Variants in KCNQ5 observed in about 807,000 individuals in gnomAD.
KCNQ5 encodes potassium voltage-gated channel subfamily KQT member 5.
Under a neutral mutation model 98.2 loss-of-function variants are expected in KCNQ5, and 30 were observed. That is an observed-to-expected ratio of 0.31 (90% CI 0.23 to 0.41). KCNQ5 has a LOEUF of 0.41. Ranked by LOEUF, KCNQ5 falls within the 10% of genes least tolerant of loss-of-function variation. The pLI is 1.00. For missense variants in KCNQ5, 835 were observed against 1,182.5 expected, an observed-to-expected ratio of 0.71 and a Z score of 4.31; for synonymous variants, 458 against 449.4, an observed-to-expected ratio of 1.02 and a Z score of -0.24.
chr6:72,757,620 G>T (rs139134247), intron 1 of KCNQ5, among the ~76,000 whole-genome samples: 35 of 152,166 alleles, frequency 2.3e-4, no homozygotes, highest in African/African-American at 8.2e-4. Context: ...CAGAATGGCC[G>T]TATGGGTACT....
At chr6:72,905,658 G>A (rs1323056779) in intron 1 of KCNQ5, among the ~76,000 whole-genome samples, 1 of 152,128 alleles carries the variant, frequency 6.6e-6, no homozygotes, top group Non-Finnish European at 1.5e-5. Flanking sequence ...TCTGGGTCTA[G>A]TCACCTCACT....
rs1207221075 is a variant in KCNQ5, at chr6:73,198,711, A to G, written c.*3297A>G. ...TAAGCAGTTCTAAGTCATGTATGAC[A>G]ATGCAATTGTCTGTTTCCTGAAAAC... On this transcript the variant is annotated 3_prime_UTR_variant, in exon 14 of 14. Coordinates refer to ENST00000370398, the MANE Select transcript of KCNQ5 (RefSeq NM_019842.4). The G allele has an allele frequency of 6.6e-6, 1 of 152,254 alleles. No homozygotes were observed. The highest frequency in any genetic ancestry group is 1.9e-4 in the East Asian group (1 of 5,206). 9.4% of individuals were successfully genotyped at this position (152,254 alleles called of 1,614,324 possible).
At chr6:72,736,800 T>TA (rs1020143789) in intron 1 of KCNQ5, among the ~76,000 whole-genome samples, 54 of 152,054 alleles carry the variant, frequency 3.6e-4, no homozygotes, top group African/African-American at 1.2e-3. Flanking sequence ...CGCCCGGCCG[T>TA]AAAAAAAGAT....
intron 1 of KCNQ5, among the ~76,000 whole-genome samples, chr6:72,627,350 A>T (rs2098918460): frequency 6.6e-6 from 1 of 152,180 alleles, no homozygotes; most frequent in Admixed American, 6.5e-5. Context: ...GCAGTGGATG[A>T]AAAAGTAAGA....
chr6:72,838,615 A>G (rs1383087346), intron 1 of KCNQ5, among the ~76,000 whole-genome samples: 1 of 152,204 alleles, frequency 6.6e-6, no homozygotes, highest in Non-Finnish European at 1.5e-5. Flanking sequence ...TATTCTCCTT[A>G]TAAATGTTAT....
intron 1 of KCNQ5, among the ~76,000 whole-genome samples, chr6:72,687,817 T>C (rs531376911): frequency 3.3e-5 from 5 of 151,172 alleles, no homozygotes; most frequent in African/African-American, 9.7e-5. Flanking sequence ...TGCAAAATGC[T>C]AGTCTTTTTA....
chr6:72,898,979 G>A (rs771291167), intron 1 of KCNQ5, among the ~76,000 whole-genome samples: 18 of 152,104 alleles, frequency 1.2e-4, no homozygotes, highest in Non-Finnish European at 2.2e-4. Flanking sequence ...GCCTTCTTTT[G>A]AGAACTGTCT....
chr6:72,711,350 G>A (rs576349115), intron 1 of KCNQ5, among the ~76,000 whole-genome samples: 2 of 152,228 alleles, frequency 1.3e-5, no homozygotes, highest in South Asian at 2.1e-4. Context: ...TGTTGTTTAA[G>A]CTACCCAGTC....
chr6:73,075,435 A>G (rs181389035), intron 3 of KCNQ5, among the ~76,000 whole-genome samples: 2 of 152,000 alleles, frequency 1.3e-5, no homozygotes, highest in African/African-American at 4.8e-5. Flanking sequence ...GTTGGCCAGG[A>G]TGGTCTCGAT....
intron 1 of KCNQ5, among the ~76,000 whole-genome samples, chr6:72,700,215 A>G (rs1017169364): frequency 6.6e-6 from 1 of 152,222 alleles, no homozygotes; most frequent in Non-Finnish European, 1.5e-5. Flanking sequence ...GCTGGGATAC[A>G]AATTCGGTTC....
chr6:72,705,958 A>G (rs1769056585), intron 1 of KCNQ5, among the ~76,000 whole-genome samples: 1 of 152,088 alleles, frequency 6.6e-6, no homozygotes, highest in African/African-American at 2.4e-5. Flanking sequence ...AAACGAAAGA[A>G]AAAATAACAA....
intron 1 of KCNQ5, among the ~76,000 whole-genome samples, chr6:72,973,438 G>A (rs567109631): frequency 1.3e-5 from 2 of 152,090 alleles, no homozygotes; most frequent in East Asian, 1.9e-4. Flanking sequence ...AAAGGATTTT[G>A]TAGAAATCCT....
Position 73,197,838 on chromosome 6 carries a change from A to G in KCNQ5, c.*2424A>G, listed in dbSNP as rs967494473. 6.6e-6 allele frequency: 1 copy of G among 152,292 alleles called. No individual in the cohort carries two copies. Among genetic ancestry groups the G allele is most frequent in the Non-Finnish European group, 1.5e-5 (1 of 68,130 alleles). The allele number at this position is 152,292 out of a possible 1,614,324, so 9.4% of individuals were successfully genotyped here. On this transcript the variant is annotated 3_prime_UTR_variant, in exon 14 of 14. Transcript: ENST00000370398. The stretch of plus-strand genomic sequence containing the variant: ...CCTCCTTAGGCCTCGTTAAGTCTCA[A>G]ACACAGTACAGCTCACCCAGCATTG...
At chr6:72,673,761 G>T (rs1767260693) in intron 1 of KCNQ5, among the ~76,000 whole-genome samples, 1 of 152,184 alleles carries the variant, frequency 6.6e-6, no homozygotes, top group Admixed American at 6.5e-5. Flanking sequence ...TAGTTAGCTG[G>T]TTAATCACTA....
intron 1 of KCNQ5, among the ~76,000 whole-genome samples, chr6:72,901,440 G>C (rs1779502740): frequency 6.6e-6 from 1 of 152,028 alleles, no homozygotes; most frequent in African/African-American, 2.4e-5. Flanking sequence ...TGTCTAGAAG[G>C]GGTTTTCCAA....
At chr6:72,833,537 T>C (rs1776376580) in intron 1 of KCNQ5, among the ~76,000 whole-genome samples, 1 of 152,196 alleles carries the variant, frequency 6.6e-6, no homozygotes, top group East Asian at 1.9e-4. Context: ...GTAGCATTTT[T>C]ACTGGGATGA....
At chr6:72,688,987 T>C (rs980849453) in intron 1 of KCNQ5, among the ~76,000 whole-genome samples, 4 of 152,194 alleles carry the variant, frequency 2.6e-5, no homozygotes, top group African/African-American at 9.6e-5. Context: ...AAAAACATTA[T>C]AGCTATAAAA....
chr6:73,031,076 T>G (rs139540233), intron 2 of KCNQ5, among the ~76,000 whole-genome samples: 3 of 152,330 alleles, frequency 2.0e-5, no homozygotes, highest in Non-Finnish European at 4.4e-5. Context: ...GCCTAAAATA[T>G]GCTTAAATAA....
At chr6:73,046,745 C>G (rs1472530448) in intron 3 of KCNQ5, among the ~76,000 whole-genome samples, 1 of 151,710 alleles carries the variant, frequency 6.6e-6, no homozygotes, top group African/African-American at 2.4e-5. Context: ...TGGGTTCAAG[C>G]CATTCTCATG....
Sources: gnomAD v4.1 joint callset for allele counts (sites outside exome capture counted in the v4.1 genomes callset) on GRCh38, gnomAD v4.1.1 for gene constraint, MANE v1.5 for transcripts, NCBI Gene and HGNC (gene_info 2026-07-23, HGNC 2026-07-21) for gene names.